The following SLC9C2 variants were observed in gnomAD, a reference collection of about 807,000 sequenced individuals.
SLC9C2 encodes solute carrier family 9 member C2 (putative).
SLC9C2 carries 75 observed loss-of-function variants against 140.2 expected under a neutral mutation model. The ratio of observed to expected loss-of-function variants is 0.53; its 90% CI spans 0.44 to 0.65. The LOEUF is 0.65. Ranked by LOEUF, SLC9C2 falls within the 30% of genes least tolerant of loss-of-function variation. SLC9C2 has a pLI of 0.00. For synonymous variants in SLC9C2, 375 were observed against 420.9 expected (o/e 0.89, Z 1.34); for missense variants, 1,074 against 1,331.8 (o/e 0.81, Z 3.01).
Position 173,557,435 on chromosome 1 carries a change from C to A in SLC9C2, c.1120G>T (p.Val374Leu), listed in dbSNP as rs1036457482. Residue 374 changes from valine to leucine, a missense_variant, in exon 10 of 28, where the codon GTA becomes TTA. Val to Leu is a conservative substitution (Grantham distance 32). Transcript: ENST00000367714. ...NYEYNWRWGVVITWSGIKGVF... is the reference protein window; with the variant it reads ...NYEYNWRWGVLITWSGIKGVF... ...CCTTTAATTCCAGACCACGTGATTA[C>A]AACTCCCCATCGCCAATTATATTCA... The A allele has an allele frequency of 1.2e-6, 2 of 1,613,758 alleles. No homozygotes were observed. The highest frequency in any genetic ancestry group is 1.7e-5 in the Admixed American group (1 of 60,002).
At chr1:173,571,648 C>T (rs973261602) in intron 9 of SLC9C2, 1 of 151,882 alleles carries the variant, frequency 6.6e-6, no homozygotes, top group Non-Finnish European at 1.5e-5. Flanking sequence ...TTTCTGAAAA[C>T]CCCAATTACA....
In SLC9C2 at chr1:173,533,666, T is replaced by C; in HGVS notation, c.2106A>G (p.Ile702Met). Residue 702 changes from isoleucine (I) to methionine (M), a missense_variant, in exon 17 of 28, where the codon ATA becomes ATG. Physicochemically the swap from Ile to Met is conservative, Grantham distance 10. Transcript: ENST00000367714. ...VKLRPDNLAL[I>M]QLTVIMGYLR... Reference sequence around the variant, plus strand: ...AATATCCCATTATTACTGTAAGCTGTATAAGAGCCAAGTTGTCTGGTCTCA... The same window carrying C: ...AATATCCCATTATTACTGTAAGCTGCATAAGAGCCAAGTTGTCTGGTCTCA... 1 of 1,611,370 alleles carries C rather than the reference T, an allele frequency of 6.2e-7. No individual in the cohort carries two copies. Among genetic ancestry groups the C allele is most frequent in the Non-Finnish European group, 8.5e-7 (1 of 1,177,800 alleles).
intron 23 of SLC9C2, among the ~76,000 whole-genome samples, chr1:173,512,291 A>G (rs769534634): frequency 1.3e-5 from 2 of 152,184 alleles, no homozygotes; most frequent in Non-Finnish European, 2.9e-5. Context: ...TAAGCATGGA[A>G]TGTTTTTCCA....
intron 10 of SLC9C2, among the ~76,000 whole-genome samples, chr1:173,556,927 CAAAAAAAA>C (rs79800435): frequency 1.4e-5 from 1 of 70,802 alleles, no homozygotes; most frequent in East Asian, 3.9e-4. Context: ...AATCTTGTCT[CAAAAAAAA>C]AAAAAAAGAA....
chr1:173,561,116 C>T (rs1230149938), intron 9 of SLC9C2, among the ~76,000 whole-genome samples: 2 of 152,158 alleles, frequency 1.3e-5, no homozygotes, highest in African/African-American at 4.8e-5. Flanking sequence ...TTTCTTAAGC[C>T]TCCCATATGA....
At chr1:173,587,324 C>A (rs1665908788) in intron 5 of SLC9C2, among the ~76,000 whole-genome samples, 1 of 152,116 alleles carries the variant, frequency 6.6e-6, no homozygotes, top group South Asian at 2.1e-4. Context: ...TATTGGTAAA[C>A]AAACTCACCA....
At chr1:173,521,224 T>C in intron 22 of SLC9C2, 77 bp downstream of exon 22, 1 of 848,670 alleles carries the variant, frequency 1.2e-6, no homozygotes, top group Non-Finnish European at 1.7e-6. Flanking sequence ...AGTATCTAAA[T>C]TTATTCTTAT....
chr1:173,560,472 G>T (rs918131586), intron 9 of SLC9C2, among the ~76,000 whole-genome samples: 2 of 152,176 alleles, frequency 1.3e-5, no homozygotes, highest in Admixed American at 6.5e-5. Flanking sequence ...AGATACAAAG[G>T]CCTGTTCCCT....
rs181821935 is a variant in SLC9C2 at position 173,515,596 on chromosome 1, G to A, written c.2907+1941C>T. Among the ~76,000 whole-genome samples, 46 of 152,138 alleles carry A rather than the reference G, an allele frequency of 3.0e-4. No individual in the cohort carries two copies. The East Asian group carries it at 7.0e-3, about 23-fold the overall frequency. On this transcript the variant is annotated intron_variant, in intron 23 of 27. Coordinates refer to ENST00000367714, the MANE Select transcript of SLC9C2 (RefSeq NM_178527.4). The stretch of plus-strand genomic sequence containing the variant: ...GAAGATTCTTAGCTTCTTTAGATTC[G>A]GTTTGAACATGCTCCTTTAGCTCAG...
intron 21 of SLC9C2, 95 bp downstream of exon 21, chr1:173,523,874 T>G (rs1044501567): frequency 1.3e-6 from 2 of 1,488,652 alleles, no homozygotes; most frequent in African/African-American, 1.4e-5. Flanking sequence ...TTGGCCAGTA[T>G]GTGATATGCT....
At chr1:173,510,431 A>C (rs185314941) in intron 23 of SLC9C2, among the ~76,000 whole-genome samples, 62 of 152,178 alleles carry the variant, frequency 4.1e-4, no homozygotes, top group African/African-American at 1.4e-3. Context: ...CATGTCATCT[A>C]AGTTTTAAGC....
intron 10 of SLC9C2, among the ~76,000 whole-genome samples, chr1:173,556,403 A>G (rs1436095989): frequency 6.6e-6 from 1 of 152,198 alleles, no homozygotes; most frequent in Admixed American, 6.5e-5. Flanking sequence ...TGTGATACAG[A>G]TAATGGAGTC....
At chr1:173,503,709 T>C (rs371115377) in intron 26 of SLC9C2, among the ~76,000 whole-genome samples, 1 of 152,208 alleles carries the variant, frequency 6.6e-6, no homozygotes, top group Admixed American at 6.5e-5. Context: ...TATTTTTTCA[T>C]GAAAACTTCA....
chr1:173,505,751 G>A (rs1659591348), intron 25 of SLC9C2, among the ~76,000 whole-genome samples: 1 of 152,092 alleles, frequency 6.6e-6, no homozygotes, highest in Admixed American at 6.5e-5. Context: ...CATCAAACAA[G>A]TAATCATTAT....
At chr1:173,534,064 A>C (rs1262266550) in intron 16 of SLC9C2, among the ~76,000 whole-genome samples, 1 of 152,206 alleles carries the variant, frequency 6.6e-6, no homozygotes, top group Non-Finnish European at 1.5e-5. Context: ...CAATACTATT[A>C]ATAATAAAGT....
chr1:173,599,745 A>G (rs912644456), intron 3 of SLC9C2, among the ~76,000 whole-genome samples: 9 of 151,988 alleles, frequency 5.9e-5, no homozygotes, highest in Admixed American at 5.2e-4. Context: ...CTAGGATTAC[A>G]GGCATGGGCC....
At chr1:173,543,794 C>T (rs1364075907) in intron 13 of SLC9C2, among the ~76,000 whole-genome samples, 2 of 152,176 alleles carry the variant, frequency 1.3e-5, no homozygotes, top group African/African-American at 4.8e-5. Flanking sequence ...GGAAAGCTGG[C>T]TAGCCATACG....
intron 9 of SLC9C2, among the ~76,000 whole-genome samples, chr1:173,562,527 T>A (rs889360370): frequency 1.3e-5 from 2 of 152,196 alleles, no homozygotes; most frequent in Non-Finnish European, 2.9e-5. Flanking sequence ...AAAAGGAAAG[T>A]ACAAGATTTT....
At chr1:173,583,255 T>C (rs1417463032) in intron 6 of SLC9C2, among the ~76,000 whole-genome samples, 2 of 152,250 alleles carry the variant, frequency 1.3e-5, no homozygotes, top group Non-Finnish European at 1.5e-5. Flanking sequence ...CTATACTGTA[T>C]TGCATTTTAA....
Sources: allele counts gnomAD v4.1 joint callset (sites outside exome capture counted in the v4.1 genomes callset), GRCh38; gene constraint gnomAD v4.1.1; transcripts MANE v1.5; gene names NCBI Gene and HGNC (gene_info 2026-07-23, HGNC 2026-07-21).